Variants in CDH8 observed in about 807,000 individuals in gnomAD.
CDH8 encodes the protein cadherin-8.
CDH8 carries 17 observed loss-of-function variants against 68.1 expected under a neutral mutation model. The observed-to-expected ratio is 0.25, with a 90% CI of 0.17 to 0.37. The LOEUF (loss-of-function observed/expected upper bound fraction) is 0.37. CDH8 is among the 10% of genes least tolerant of loss of function. The pLI is 1.00. For synonymous variants in CDH8, 372 were observed against 365.1 expected (o/e 1.02, Z -0.21); for missense variants, 763 against 999.3 (o/e 0.76, Z 3.19).
chr16:61,873,709 GA>G (rs1355715552), intron 3 of CDH8, among the ~76,000 whole-genome samples: 2 of 152,102 alleles, frequency 1.3e-5, no homozygotes, highest in African/African-American at 4.8e-5. Flanking sequence ...TGGGCTGAGG[GA>G]ATGAACAGCA....
At chr16:61,852,865 C>CCTTCCTTCCTTCCTTCCATT (rs1962965217) in intron 4 of CDH8, among the ~76,000 whole-genome samples, 1 of 135,584 alleles carries the variant, frequency 7.4e-6, no homozygotes, top group African/African-American at 3.0e-5. Flanking sequence ...TTCCTTCCTT[C>CCTTCCTTCCTTCCTTCCATT]CTTCCTTCCT....
chr16:61,798,099 T>C (rs1961539251), intron 7 of CDH8, among the ~76,000 whole-genome samples: 2 of 152,204 alleles, frequency 1.3e-5, no homozygotes, highest in South Asian at 4.1e-4. Context: ...GTTTACATAA[T>C]ACTTTTGAAA....
intron 2 of CDH8, among the ~76,000 whole-genome samples, chr16:62,012,972 A>AATCAAGAGCATTGGCAATGTGTAT (rs1416074277): frequency 6.9e-5 from 8 of 116,156 alleles, no homozygotes; most frequent in South Asian, 3.0e-4. Flanking sequence ...TAACTACTTA[A>AATCAAGAGCATTGGCAATGTGTAT]GGCCGGGCGC....
At chr16:61,778,525 TTAAA>T (rs768067309) in intron 8 of CDH8, among the ~76,000 whole-genome samples, 7 of 152,104 alleles carry the variant, frequency 4.6e-5, no homozygotes, top group Non-Finnish European at 1.0e-4. Context: ...AGACAAAAAA[TTAAA>T]TAAATAATTT....
At chr16:61,979,286 G>A (rs2150581571) in intron 2 of CDH8, among the ~76,000 whole-genome samples, 1 of 152,318 alleles carries the variant, frequency 6.6e-6, no homozygotes, top group African/African-American at 2.4e-5. Flanking sequence ...GAAGAAATGT[G>A]TACTGGAAGA....
At chr16:61,868,224 G>A (rs1485036292) in intron 3 of CDH8, among the ~76,000 whole-genome samples, 10 of 152,096 alleles carry the variant, frequency 6.6e-5, no homozygotes, top group Admixed American at 5.9e-4. Flanking sequence ...TAATGTTTCT[G>A]AATTTTACAT....
rs550830711 is a variant in CDH8 at position 61,914,130 on chromosome 16, G to C, written c.253-12657C>G. On this transcript the variant is annotated intron_variant, in intron 2 of 11. Transcript: ENST00000577390. The stretch of plus-strand genomic sequence containing the variant: ...GACCGTGTCAGGACACAGAGAGAAG[G>C]CACCCATCACAAACCAAGGAGAGAA... 2.4e-4 allele frequency among the ~76,000 whole-genome samples: 37 copies of C among 152,084 alleles called. No individual in the cohort carries two copies. The South Asian group carries it at 7.3e-3, about 30-fold the overall frequency.
intron 2 of CDH8, among the ~76,000 whole-genome samples, chr16:61,969,600 C>T (rs575949677): frequency 5.3e-5 from 8 of 152,252 alleles, no homozygotes; most frequent in African/African-American, 1.9e-4. Context: ...ATATTATTTG[C>T]CAATGCATTT....
chr16:61,679,090 T>C (rs1963966904), intron 10 of CDH8, among the ~76,000 whole-genome samples: 1 of 152,042 alleles, frequency 6.6e-6, no homozygotes, highest in Non-Finnish European at 1.5e-5. Context: ...GCCAATGAAA[T>C]GTGAACAGAA....
At chr16:61,756,702 G>GAAAAGTACTTTTCACT (rs1960329434) in intron 8 of CDH8, among the ~76,000 whole-genome samples, 1 of 152,050 alleles carries the variant, frequency 6.6e-6, no homozygotes, top group African/African-American at 2.4e-5. Context: ...ACTTCAGCAG[G>GAAAAGTACTTTTCACT]TTTCTCAAAG....
At chr16:61,914,742 TA>T (rs536225911) in intron 2 of CDH8, among the ~76,000 whole-genome samples, 23,216 of 129,212 alleles carry the variant, frequency 0.18, 1,936 homozygotes, top group Middle Eastern at 0.28. Context: ...TAAAAAGAGT[TA>T]AAAAAAAAAA....
At chr16:61,654,902 G>A (rs1224385838) in intron 11 of CDH8, among the ~76,000 whole-genome samples, 1 of 152,110 alleles carries the variant, frequency 6.6e-6, no homozygotes, top group Non-Finnish European at 1.5e-5. Flanking sequence ...GTTATAATTG[G>A]ACTTTTTTAA....
chr16:62,022,495 C>T (rs1902097892), intron 1 of CDH8, among the ~76,000 whole-genome samples: 1 of 152,060 alleles, frequency 6.6e-6, no homozygotes, highest in Admixed American at 6.6e-5. Context: ...CCTGAGGTGT[C>T]AGATACATTT....
chr16:61,940,436 G>A (rs1319409674), intron 2 of CDH8: 3 of 114,300 alleles, frequency 2.6e-5, no homozygotes, highest in South Asian at 2.7e-4. Context: ...GCCTCGCTCT[G>A]TCGTCCAGGC....
rs572437085 is a variant in CDH8 at position 61,858,298 on chromosome 16, G to T, written c.548-1060C>A. Among the ~76,000 whole-genome samples, 115 of 152,234 alleles carry T rather than the reference G, an allele frequency of 7.6e-4. 1 individual carries two copies. Among genetic ancestry groups the T allele is most frequent in the African/African-American group, 2.6e-3 (106 of 41,556 alleles). ...TGAGTTAAATCATCAAAGAAAGGTA[G>T]AGTTTAACCAGGAGAAGGAATTCTA... On this transcript the variant is annotated intron_variant, in intron 3 of 11. Transcript: ENST00000577390.
intron 10 of CDH8, 120 bp from the exon 11 acceptor site, chr16:61,655,841 T>A: frequency 2.5e-6 from 2 of 806,286 alleles, no homozygotes; most frequent in Non-Finnish European, 3.9e-6. Flanking sequence ...TTCAAAGGAC[T>A]GCTCAGGCTT....
intron 3 of CDH8, among the ~76,000 whole-genome samples, chr16:61,899,866 AC>A (rs1713984927): frequency 6.8e-6 from 1 of 146,178 alleles, no homozygotes; most frequent in Admixed American, 6.8e-5. Context: ...ACACACACAC[AC>A]GAGTATCTCA....
At chr16:61,760,978 A>G (rs4465603) in intron 8 of CDH8, among the ~76,000 whole-genome samples, 23,847 of 152,040 alleles carry the variant, frequency 0.16, 3,016 homozygotes, top group African/African-American at 0.35. Context: ...AAGAGTATCA[A>G]TTTGCAGATC....
At chr16:61,839,625 C>A (rs1387608465) in intron 4 of CDH8, among the ~76,000 whole-genome samples, 2 of 152,030 alleles carry the variant, frequency 1.3e-5, no homozygotes, top group Admixed American at 6.6e-5. Context: ...CTCTTAGCAC[C>A]CCACAGCAGG....
Sources: gnomAD v4.1 joint callset for allele counts (sites outside exome capture counted in the v4.1 genomes callset) on GRCh38, gnomAD v4.1.1 for gene constraint, MANE v1.5 for transcripts, NCBI Gene and HGNC (gene_info 2026-07-23, HGNC 2026-07-21) for gene names.